Variants in CACNA2D1 observed in about 807,000 individuals in gnomAD.
The protein encoded by CACNA2D1 is voltage-dependent calcium channel subunit alpha-2/delta-1.
CACNA2D1 carries 53 observed loss-of-function variants against 171.5 expected under a neutral mutation model. The observed-to-expected ratio is 0.31, with a 90% CI of 0.25 to 0.39. CACNA2D1 has a LOEUF of 0.39. Ranked by LOEUF, CACNA2D1 falls within the 10% of genes least tolerant of loss-of-function variation. CACNA2D1 has a pLI of 1.00. For synonymous variants in CACNA2D1, 442 were observed against 443.1 expected (o/e 1.00, Z 0.03); for missense variants, 903 against 1,299.8 (o/e 0.69, Z 4.69).
At chr7:82,331,695 T>C (rs1454255433) in intron 3 of CACNA2D1, among the ~76,000 whole-genome samples, 1 of 152,170 alleles carries the variant, frequency 6.6e-6, no homozygotes, top group East Asian at 1.9e-4. Flanking sequence ...CCATTCCAAA[T>C]GAGAAATAAG....
intron 25 of CACNA2D1, 149 bp downstream of exon 25, chr7:81,974,306 G>C: frequency 1.9e-6 from 1 of 514,720 alleles, no homozygotes; most frequent in Non-Finnish European, 3.5e-6. Context: ...CAAAATTAAG[G>C]ATCAAATTGT....
At chr7:82,267,733 T>G (rs558928898) in intron 3 of CACNA2D1, among the ~76,000 whole-genome samples, 10 of 152,190 alleles carry the variant, frequency 6.6e-5, no homozygotes, top group African/African-American at 1.9e-4. Context: ...GGTGGTTCAC[T>G]CCTGTAATCC....
At chr7:81,965,939 T>C (rs187877883) in intron 31 of CACNA2D1, among the ~76,000 whole-genome samples, 22 of 151,800 alleles carry the variant, frequency 1.4e-4, no homozygotes, top group Admixed American at 2.6e-4. Flanking sequence ...AATAATCTTT[T>C]TACCATTTCC....
intron 3 of CACNA2D1, among the ~76,000 whole-genome samples, chr7:82,237,294 A>T (rs977361962): frequency 4.6e-5 from 7 of 151,976 alleles, no homozygotes; most frequent in Admixed American, 4.6e-4. Flanking sequence ...AAAGACAGGA[A>T]ATAAAAAGAC....
intron 6 of CACNA2D1, among the ~76,000 whole-genome samples, chr7:82,088,830 C>T (rs1381607170): frequency 1.3e-5 from 2 of 151,874 alleles, no homozygotes; most frequent in African/African-American, 2.4e-5. Flanking sequence ...TTGTTAAAGA[C>T]AATTTTTCCA....
intron 11 of CACNA2D1, among the ~76,000 whole-genome samples, chr7:82,034,689 G>A (rs1244533777): frequency 2.0e-5 from 3 of 151,798 alleles, no homozygotes; most frequent in African/African-American, 7.3e-5. Flanking sequence ...AAAATAATAT[G>A]TACCTAAAGA....
intron 5 of CACNA2D1, among the ~76,000 whole-genome samples, chr7:82,128,146 T>A (rs1584848534): frequency 6.6e-6 from 1 of 151,474 alleles, no homozygotes; most frequent in African/African-American, 2.4e-5. Flanking sequence ...CCCAGGCTGG[T>A]CTTAAACTCC....
At chr7:82,208,807 T>C (rs184149743) in intron 3 of CACNA2D1, among the ~76,000 whole-genome samples, 1 of 152,250 alleles carries the variant, frequency 6.6e-6, no homozygotes, top group African/African-American at 2.4e-5. Context: ...ACTGTATTTT[T>C]GAAAACTGCT....
chr7:82,331,995 CA>C lies in CACNA2D1; in HGVS notation c.294+3139del, dbSNP rs528317931. 7.2e-5 allele frequency among the ~76,000 whole-genome samples: 11 copies of C among 152,244 alleles called. No homozygotes were observed. In the East Asian group the frequency reaches 1.9e-3, roughly 27 times the overall value. ...CCAAAATTGAAGATAATAATGTTTT[CA>C]TTTTCCAGTAATGAAAGTTTATCTT... On this transcript the variant is annotated intron_variant, in intron 3 of 38. Coordinates refer to ENST00000356860, the MANE Select transcript of CACNA2D1 (RefSeq NM_000722.4).
intron 13 of CACNA2D1, among the ~76,000 whole-genome samples, chr7:82,013,938 C>T (rs1800106582): frequency 6.6e-6 from 1 of 151,856 alleles, no homozygotes; most frequent in African/African-American, 2.4e-5. Flanking sequence ...ATGTTTTTCT[C>T]AGTAACATCA....
chr7:82,291,224 T>C (rs933951204), intron 3 of CACNA2D1, among the ~76,000 whole-genome samples: 27 of 124,038 alleles, frequency 2.2e-4, no homozygotes, highest in African/African-American at 7.3e-4. Context: ...CTATATTATA[T>C]ATTTAAAATA....
At chr7:82,115,648 CAAAAT>C (rs908028265) in intron 6 of CACNA2D1, among the ~76,000 whole-genome samples, 7 of 148,544 alleles carry the variant, frequency 4.7e-5, no homozygotes, top group African/African-American at 1.2e-4. Flanking sequence ...AAAGGAGAAA[CAAAAT>C]AAAATAATTT....
chr7:82,426,412 A>G (rs1210686029), intron 1 of CACNA2D1, among the ~76,000 whole-genome samples: 1 of 152,162 alleles, frequency 6.6e-6, no homozygotes, highest in Non-Finnish European at 1.5e-5. Context: ...TCTATACTTT[A>G]AAATGCCTTA....
Position 82,031,258 on chromosome 7 carries a change from G to A in CACNA2D1, c.1143+1539C>T, listed in dbSNP as rs115691116. On this transcript the variant is annotated intron_variant, in intron 12 of 38. Transcript: ENST00000356860. ...CATCTAAAGGAGCCTACAGTGGCAA[G>A]GAGGTTCAGGGACATCTTCCAGGTG... Among the ~76,000 whole-genome samples the A allele has an allele frequency of 6.7e-3, 1,023 of 152,018 alleles. 17 individuals carry two copies. Among genetic ancestry groups the A allele is most frequent in the African/African-American group, 0.023 (962 of 41,508 alleles).
chr7:81,971,066 GA>G (rs1253054536), intron 26 of CACNA2D1: 2 of 263,340 alleles, frequency 7.6e-6, no homozygotes, highest in Non-Finnish European at 1.5e-5. Context: ...GTTTGGTATA[GA>G]AAAAAAACGT....
rs989353526 is a variant in CACNA2D1, at chr7:81,948,913, C to G, written c.*1479G>C. ...GAAATATCTGATTTACTACACTAAC[C>G]ATTTTCACCAATGAGGCTGTATAAA... On this transcript the variant is annotated 3_prime_UTR_variant, in exon 39 of 39. Coordinates refer to ENST00000356860, the MANE Select transcript of CACNA2D1 (RefSeq NM_000722.4). 6.6e-6 allele frequency: 1 copy of G among 152,006 alleles called. No homozygotes were observed. The highest frequency in any genetic ancestry group is 2.1e-4 in the South Asian group (1 of 4,816). The allele number at this position is 152,006 out of a possible 1,614,324, so 9.4% of individuals were successfully genotyped here. A position where few individuals can be genotyped will look rare whatever the true frequency, so the allele number is the denominator to read the frequency against.
intron 4 of CACNA2D1, among the ~76,000 whole-genome samples, chr7:82,146,430 ATATT>A (rs1025413095): frequency 5.4e-5 from 7 of 129,584 alleles, no homozygotes; most frequent in Non-Finnish European, 8.9e-5. Context: ...TTACATATAC[ATATT>A]TATATTTATA....
At chr7:81,952,831 C>G (rs1439368322) in intron 38 of CACNA2D1, among the ~76,000 whole-genome samples, 3 of 152,096 alleles carry the variant, frequency 2.0e-5, no homozygotes, top group African/African-American at 7.2e-5. Flanking sequence ...CTGTATTCTC[C>G]TCTGGTCTGT....
rs150790769 is a variant in CACNA2D1, at chr7:82,191,213, C to T, written c.295-20604G>A. Among the ~76,000 whole-genome samples, 46 of 151,822 alleles carry T rather than the reference C, an allele frequency of 3.0e-4. No homozygotes were observed. The South Asian group carries it at 7.5e-3, about 25-fold the overall frequency. ...TTGCCTTAATCATTATTAGAAAACA[C>T]GTGCTTACTATACATTTATTGATTG... On this transcript the variant is annotated intron_variant, in intron 3 of 38. Coordinates refer to ENST00000356860, the MANE Select transcript of CACNA2D1 (RefSeq NM_000722.4).
Sources: gnomAD v4.1 joint callset for allele counts (sites outside exome capture counted in the v4.1 genomes callset) on GRCh38, gnomAD v4.1.1 for gene constraint, MANE v1.5 for transcripts, NCBI Gene and HGNC (gene_info 2026-07-23, HGNC 2026-07-21) for gene names.